PDSS1: variants seen among roughly 807,000 people sequenced by gnomAD.
The protein encoded by PDSS1 is decaprenyl diphosphate synthase subunit 1.
Under a neutral mutation model 57.5 loss-of-function variants are expected in PDSS1, and 43 were observed. The ratio of observed to expected loss-of-function variants is 0.75; its 90% CI spans 0.59 to 0.96. The LOEUF (loss-of-function observed/expected upper bound fraction) is 0.96. Ranked by LOEUF, PDSS1 falls within the 50% of genes least tolerant of loss-of-function variation. The pLI is 0.00. For missense variants in PDSS1, 438 were observed against 527.8 expected (o/e 0.83, Z 1.67); for synonymous variants, 175 against 191.3 (o/e 0.91, Z 0.70).
intron 11 of PDSS1, among the ~76,000 whole-genome samples, chr10:26,743,946 C>T (rs1013996017): frequency 6.6e-6 from 1 of 151,988 alleles, no homozygotes; most frequent in African/African-American, 2.4e-5. Flanking sequence ...CAAAAAGATA[C>T]CACATTCACA....
At chr10:26,732,356 T>A (rs1836237983) in intron 8 of PDSS1, among the ~76,000 whole-genome samples, 1 of 152,226 alleles carries the variant, frequency 6.6e-6, no homozygotes, top group Non-Finnish European at 1.5e-5. Flanking sequence ...GTAATGTCCC[T>A]TCGCCATGTG....
intron 9 of PDSS1, 66 bp downstream of exon 9, chr10:26,735,386 G>A (rs1836359611): frequency 1.4e-6 from 2 of 1,380,770 alleles, no homozygotes; most frequent in East Asian, 4.6e-5. Context: ...CCCCTAGTGT[G>A]TAATCGTCAA....
At chr10:26,740,732 A>G in intron 10 of PDSS1, 1 of 456,522 alleles carries the variant, frequency 2.2e-6, no homozygotes, top group Non-Finnish European at 4.4e-6. Context: ...GGAGCCATAG[A>G]CTGTTAGAGC....
At chr10:26,698,721 A>G (rs924551537) in intron 1 of PDSS1, among the ~76,000 whole-genome samples, 2 of 152,204 alleles carry the variant, frequency 1.3e-5, no homozygotes, top group African/African-American at 2.4e-5. Context: ...CAGATTTGGT[A>G]TACTTTATGT....
intron 1 of PDSS1, among the ~76,000 whole-genome samples, chr10:26,701,136 G>T (rs1290106632): frequency 6.6e-6 from 1 of 152,232 alleles, no homozygotes. Flanking sequence ...CCACCCTAGA[G>T]ATCTGTGGAA....
chr10:26,746,797 A>G lies in PDSS1; in HGVS notation c.*324A>G, dbSNP rs1272356287. The G allele has an allele frequency of 2.5e-6, 1 of 404,186 alleles. No homozygotes were observed. The highest frequency in any genetic ancestry group is 2.0e-5 in the African/African-American group (1 of 49,840). 25.0% of individuals were successfully genotyped at this position (404,186 alleles called of 1,614,324 possible). ...AATAAATAACCAATGTTAAAATTCA[A>G]ATGGTTTGTCTTGATTTACCGTAGG... On this transcript the variant is annotated 3_prime_UTR_variant, in exon 12 of 12. Coordinates refer to ENST00000376215, the MANE Select transcript of PDSS1 (RefSeq NM_014317.5).
chr10:26,721,420 G>T (rs374667800), intron 6 of PDSS1, among the ~76,000 whole-genome samples: 1 of 34,384 alleles, frequency 2.9e-5, no homozygotes, highest in Admixed American at 4.2e-4. Flanking sequence ...AGAGATATAT[G>T]TATACACACA....
intron 8 of PDSS1, among the ~76,000 whole-genome samples, chr10:26,729,674 G>A (rs1283031194): frequency 6.6e-6 from 1 of 152,114 alleles, no homozygotes; most frequent in African/African-American, 2.4e-5. Context: ...TTTGTCTTGG[G>A]CCTGAGGATA....
chr10:26,726,474 T>C (rs897685778), intron 8 of PDSS1, among the ~76,000 whole-genome samples: 2 of 152,222 alleles, frequency 1.3e-5, no homozygotes, highest in Non-Finnish European at 2.9e-5. Flanking sequence ...TGGCTATTTT[T>C]ACGTACTCTT....
chr10:26,714,778 G>T (rs1835510187), intron 5 of PDSS1: 1 of 152,182 alleles, frequency 6.6e-6, no homozygotes, highest in African/African-American at 2.4e-5. Flanking sequence ...CAATGGCATT[G>T]GATTACATTA....
intron 8 of PDSS1, among the ~76,000 whole-genome samples, chr10:26,728,795 T>C: frequency 6.8e-6 from 1 of 148,050 alleles, no homozygotes. Flanking sequence ...TTTTTTTTTT[T>C]TGAGCCAGGG....
At chr10:26,734,310 G>T (rs1836314242) in intron 8 of PDSS1, among the ~76,000 whole-genome samples, 2 of 152,200 alleles carry the variant, frequency 1.3e-5, no homozygotes. Flanking sequence ...TTACAGAAAG[G>T]CAACTGTGCA....
intron 8 of PDSS1, among the ~76,000 whole-genome samples, chr10:26,734,218 G>T (rs1836311098): frequency 6.6e-6 from 1 of 152,234 alleles, no homozygotes; most frequent in Non-Finnish European, 1.5e-5. Flanking sequence ...ACTGACGCCT[G>T]AGCAAAGTTC....
At chr10:26,734,052 A>G (rs1459344617) in intron 8 of PDSS1, among the ~76,000 whole-genome samples, 1 of 152,244 alleles carries the variant, frequency 6.6e-6, no homozygotes, top group Non-Finnish European at 1.5e-5. Flanking sequence ...TAAATGCAGC[A>G]TCATGTCTGT....
At position 26,699,810 on chromosome 10, in the gene PDSS1, G is replaced by A. The variant is rs184963007; in HGVS notation, c.129+1970G>A. Among the ~76,000 whole-genome samples the A allele has an allele frequency of 2.1e-3, 326 of 152,306 alleles. 1 individual carries two copies. The highest frequency in any genetic ancestry group is 3.6e-3 in the Non-Finnish European group (242 of 68,032). On this transcript the variant is annotated intron_variant, in intron 1 of 11. Coordinates refer to ENST00000376215, the MANE Select transcript of PDSS1 (RefSeq NM_014317.5). ...CTCCCCGTCTGCATGACGACAAGGAGGAATTCTGTGGACTCATGATGCCAA... is the reference window on the plus strand; with the variant it reads ...CTCCCCGTCTGCATGACGACAAGGAAGAATTCTGTGGACTCATGATGCCAA...
chr10:26,719,804 A>G (rs1185713107), intron 5 of PDSS1, among the ~76,000 whole-genome samples: 1 of 152,206 alleles, frequency 6.6e-6, no homozygotes, highest in Non-Finnish European at 1.5e-5. Context: ...TTGAACATTG[A>G]GACAGTTGAG....
At chr10:26,742,941 T>C (rs2132321078) in intron 11 of PDSS1, among the ~76,000 whole-genome samples, 1 of 152,254 alleles carries the variant, frequency 6.6e-6, no homozygotes, top group Non-Finnish European at 1.5e-5. Flanking sequence ...CAGCCTCGGC[T>C]CCAGCCTCAT....
chr10:26,720,838 A>G (rs1178252544), intron 6 of PDSS1, among the ~76,000 whole-genome samples: 1 of 152,222 alleles, frequency 6.6e-6, no homozygotes, highest in East Asian at 1.9e-4. Flanking sequence ...TTTGGTTCAT[A>G]TATGTATATA....
intron 4 of PDSS1, among the ~76,000 whole-genome samples, chr10:26,707,579 T>C (rs928977759): frequency 6.6e-6 from 1 of 152,148 alleles, no homozygotes; most frequent in African/African-American, 2.4e-5. Context: ...ACTCTGCACT[T>C]TGTTCCCCCT....
Sources: gnomAD v4.1 joint callset for allele counts (sites outside exome capture counted in the v4.1 genomes callset) on GRCh38, gnomAD v4.1.1 for gene constraint, MANE v1.5 for transcripts, NCBI Gene and HGNC (gene_info 2026-07-23, HGNC 2026-07-21) for gene names.